RIIAD1: variants seen among roughly 807,000 people sequenced by gnomAD.
RIIAD1 encodes regulatory subunit of type II PKA R-subunit domain containing 1, also known as RIIa domain-containing protein 1.
Under a neutral mutation model 13.3 loss-of-function variants are expected in RIIAD1, and 15 were observed. That is an observed-to-expected ratio of 1.13 (90% CI 0.76 to 1.74). The LOEUF (loss-of-function observed/expected upper bound fraction) is 1.74, where lower values mean the gene tolerates loss of function less well. Ranked by LOEUF, RIIAD1 falls within the 40% of genes most tolerant of loss-of-function variation. RIIAD1 has a pLI of 0.00. For synonymous variants in RIIAD1, 50 were observed against 43.3 expected, an observed-to-expected ratio of 1.16 and a Z score of -0.61; for missense variants, 121 against 112.2, an observed-to-expected ratio of 1.08 and a Z score of -0.35.
intron 4 of RIIAD1, chr1:151,714,596 CT>C: frequency 6.4e-7 from 1 of 1,554,450 alleles, no homozygotes; most frequent in Admixed American, 1.9e-5. Flanking sequence ...GGACTCACCC[CT>C]GGAAGCGTCT....
At chr1:151,717,565 T>A (rs1192395095), upstream of RIIAD1, among the ~76,000 whole-genome samples, 1 of 152,242 alleles carries the variant, frequency 6.6e-6, no homozygotes, top group Non-Finnish European at 1.5e-5. Context: ...AGCATCTTAC[T>A]GTTCACAGTG....
chr1:151,728,293 T>G, intron 3 of RIIAD1: 1 of 175,406 alleles, frequency 5.7e-6, no homozygotes, highest in Non-Finnish European at 1.2e-5. Context: ...TCTGAGAGGG[T>G]ATTCTCAGAG....
At position 151,722,072 on chromosome 1, in the gene RIIAD1, T is replaced by C; in HGVS notation, c.85-14T>C. On this transcript the variant is annotated splice_polypyrimidine_tract_variant and intron_variant, in intron 1 of 4. Coordinates refer to ENST00000479191, the MANE Select transcript of RIIAD1 (RefSeq NM_001144956.3). ...GTCTCCTAATGGAAGTGACCCTTTG[T>C]TCTTGCCCCCCAGATTCAGACTCGG... 5 of 1,542,844 alleles carry C rather than the reference T, an allele frequency of 3.2e-6. No individual in the cohort carries two copies. Among genetic ancestry groups the C allele is most frequent in the Non-Finnish European group, 4.4e-6 (5 of 1,138,936 alleles).
chr1:151,723,903 T>A (rs1344826231), intron 2 of RIIAD1, among the ~76,000 whole-genome samples: 1 of 152,190 alleles, frequency 6.6e-6, no homozygotes. Flanking sequence ...GGCCGTCACC[T>A]TTTGCAACTT....
chr1:151,718,875 T>C (rs968092360), upstream of RIIAD1, among the ~76,000 whole-genome samples: 1 of 152,150 alleles, frequency 6.6e-6, no homozygotes, highest in African/African-American at 2.4e-5. Context: ...TTGGTATTTA[T>C]GGAGATGCTA....
At chr1:151,719,769 G>A, upstream of RIIAD1, 1 of 642,194 alleles carries the variant, frequency 1.6e-6, no homozygotes, top group Non-Finnish European at 2.8e-6. Flanking sequence ...CTCATACATG[G>A]GCATTTGGGT....
At chr1:151,724,076 A>G (rs1369758573) in intron 2 of RIIAD1, among the ~76,000 whole-genome samples, 1 of 152,230 alleles carries the variant, frequency 6.6e-6, no homozygotes, top group East Asian at 1.9e-4. Context: ...CTTGGGGTTG[A>G]TGAATAAGAA....
upstream of RIIAD1, among the ~76,000 whole-genome samples, chr1:151,718,974 G>A (rs982572048): frequency 5.9e-5 from 9 of 152,120 alleles, no homozygotes; most frequent in African/African-American, 1.9e-4. Flanking sequence ...CAGATCTGCC[G>A]CCCTGCTGCT....
At chr1:151,714,743 C>T in intron 4 of RIIAD1, 1 of 1,160,138 alleles carries the variant, frequency 8.6e-7, no homozygotes, top group Non-Finnish European at 1.3e-6. Flanking sequence ...CTCTGAAAGG[C>T]TCCCTTCCAA....
At chr1:151,717,576 T>G (rs1392746832), upstream of RIIAD1, among the ~76,000 whole-genome samples, 4 of 152,244 alleles carry the variant, frequency 2.6e-5, no homozygotes, top group African/African-American at 9.6e-5. Flanking sequence ...GTTCACAGTG[T>G]CTAGCACCCT....
upstream of RIIAD1, among the ~76,000 whole-genome samples, chr1:151,718,891 A>T (rs1209390215): frequency 6.6e-6 from 1 of 152,142 alleles, no homozygotes. Flanking sequence ...TGCTAAACAG[A>T]TCATGTCCTC....
chr1:151,714,014 C>T (rs908031454), intron 3 of RIIAD1, among the ~76,000 whole-genome samples: 4 of 152,224 alleles, frequency 2.6e-5, no homozygotes, highest in Non-Finnish European at 4.4e-5. Flanking sequence ...ACTTCCAGGC[C>T]TACCTCCAGC....
upstream of RIIAD1, among the ~76,000 whole-genome samples, chr1:151,720,263 C>G (rs952298589): frequency 2.0e-5 from 3 of 152,126 alleles, no homozygotes; most frequent in African/African-American, 4.8e-5. Context: ...GGTGCCACCA[C>G]CAGCTTCTCT....
At chr1:151,715,743 C>T in intron 4 of RIIAD1, 1 of 1,593,648 alleles carries the variant, frequency 6.3e-7, no homozygotes. Flanking sequence ...GCTCCTCCAT[C>T]CACTTTCCTC....
chr1:151,714,617 G>T, intron 4 of RIIAD1: 1 of 1,558,900 alleles, frequency 6.4e-7, no homozygotes, highest in Non-Finnish European at 8.7e-7. Flanking sequence ...TTCTGTTCGT[G>T]CAGGGCGCTC....
At chr1:151,722,059 A>G (rs1673747598) in intron 1 of RIIAD1, 27 bp from the exon 2 acceptor site, 1 of 1,494,210 alleles carries the variant, frequency 6.7e-7, no homozygotes, top group Non-Finnish European at 9.1e-7. Flanking sequence ...CTCCTAATGG[A>G]AGTGACCCTT....
intron 2 of RIIAD1, 148 bp downstream of exon 2, chr1:151,722,310 T>C: frequency 4.9e-6 from 3 of 616,390 alleles, no homozygotes; most frequent in Admixed American, 2.9e-5. Context: ...TTATGACACT[T>C]GGAAGAGGGA....
chr1:151,721,452 T>A (rs1558118324), upstream of RIIAD1: 1 of 806,358 alleles, frequency 1.2e-6, no homozygotes, highest in African/African-American at 1.8e-5. Flanking sequence ...CCTGCTTCGC[T>A]GAAGGGGCCG....
At chr1:151,717,537 C>A (rs567372081), upstream of RIIAD1, among the ~76,000 whole-genome samples, 2 of 152,338 alleles carry the variant, frequency 1.3e-5, no homozygotes, top group East Asian at 3.9e-4. Context: ...CCTTGAAGAC[C>A]AGGACACCGT....
Sources: gnomAD v4.1 joint callset for allele counts (sites outside exome capture counted in the v4.1 genomes callset) on GRCh38, gnomAD v4.1.1 for gene constraint, MANE v1.5 for transcripts, NCBI Gene and HGNC (gene_info 2026-07-23, HGNC 2026-07-21) for gene names.